The following TPST1 variants were observed in gnomAD, a reference collection of about 807,000 sequenced individuals.
The protein encoded by TPST1 is tyrosylprotein sulfotransferase 1.
A neutral mutation model predicts 34.8 loss-of-function variants in TPST1; 20 were observed. That is an observed-to-expected ratio of 0.57 (90% CI 0.40 to 0.84). TPST1 has a LOEUF of 0.84. Among genes scored for constraint, TPST1 ranks in the 40% least tolerant of loss-of-function variants. TPST1 has a pLI of 0.00. For missense variants in TPST1, 353 were observed against 455.5 expected (o/e 0.78, Z 2.05); for synonymous variants, 152 against 159.4 (o/e 0.95, Z 0.35).
intron 3 of TPST1, among the ~76,000 whole-genome samples, chr7:66,325,291 C>CT (rs1473472325): frequency 2.0e-5 from 3 of 152,152 alleles, no homozygotes; most frequent in Non-Finnish European, 4.4e-5. Context: ...TGGTCTCTCC[C>CT]TTGACACGTG....
intron 4 of TPST1, among the ~76,000 whole-genome samples, chr7:66,355,856 G>A (rs1018158460): frequency 1.4e-5 from 2 of 142,258 alleles, no homozygotes; most frequent in African/African-American, 2.6e-5. Context: ...AGTGAACCGA[G>A]ATTGCGCCAC....
At chr7:66,240,179 G>A (rs149783806) in intron 1 of TPST1, 146 bp from the exon 2 acceptor site, 18 of 451,620 alleles carry the variant, frequency 4.0e-5, no homozygotes, top group Non-Finnish European at 6.6e-5. Flanking sequence ...GAGCCACCGC[G>A]CCCGGTCTCA....
chr7:66,338,942 G>A (rs147338551), intron 3 of TPST1, among the ~76,000 whole-genome samples: 107 of 151,822 alleles, frequency 7.0e-4, no homozygotes, highest in African/African-American at 1.8e-3. Flanking sequence ...TTTTTTCTCC[G>A]TGAAAAAAGG....
chr7:66,297,897 A>G (rs1791234417), intron 3 of TPST1, among the ~76,000 whole-genome samples: 2 of 152,144 alleles, frequency 1.3e-5, no homozygotes, highest in African/African-American at 4.8e-5. Context: ...CAGTTACCCA[A>G]ATTAGGTCTC....
At chr7:66,276,660 T>C (rs1268550736) in intron 2 of TPST1, among the ~76,000 whole-genome samples, 1 of 151,962 alleles carries the variant, frequency 6.6e-6, no homozygotes, top group African/African-American at 2.4e-5. Flanking sequence ...TTCCTTCTAG[T>C]TTAGTTTATT....
intron 3 of TPST1, 37 bp downstream of exon 3, chr7:66,286,746 AT>A (rs1791044277): frequency 7.1e-7 from 1 of 1,418,170 alleles, no homozygotes; most frequent in South Asian, 1.8e-5. Context: ...AGAAAACTAG[AT>A]TTTGAATTTG....
At chr7:66,333,202 C>T (rs1792030268) in intron 3 of TPST1, among the ~76,000 whole-genome samples, 2 of 152,256 alleles carry the variant, frequency 1.3e-5, no homozygotes, top group Middle Eastern at 3.4e-3. Context: ...CCCTGATTTC[C>T]GTCTACAAAC....
intron 2 of TPST1, among the ~76,000 whole-genome samples, chr7:66,243,151 GTGTGTGTGTGTGTGTGTT>G (rs936640591): frequency 7.0e-6 from 1 of 142,692 alleles, no homozygotes; most frequent in Non-Finnish European, 1.6e-5. Context: ...CAAGGGGTGT[GTGTGTGTGTGTGTGTGTT>G]TGTGTGTGTG....
chr7:66,226,374 C>T (rs539215659), intron 1 of TPST1, among the ~76,000 whole-genome samples: 13 of 152,194 alleles, frequency 8.5e-5, no homozygotes, highest in Admixed American at 5.2e-4. Flanking sequence ...AGAGAAGTCA[C>T]GAGGAGAATG....
intron 2 of TPST1, among the ~76,000 whole-genome samples, chr7:66,280,242 C>T (rs919968465): frequency 6.6e-6 from 1 of 152,194 alleles, no homozygotes; most frequent in African/African-American, 2.4e-5. Context: ...TGGAAGCCAC[C>T]CAGCATTCTT....
intron 2 of TPST1, among the ~76,000 whole-genome samples, chr7:66,266,044 A>G (rs1386216241): frequency 2.0e-5 from 3 of 152,364 alleles, no homozygotes; most frequent in African/African-American, 7.2e-5. Flanking sequence ...TCAAATCTGC[A>G]TGAAAGAATA....
chr7:66,328,573 C>T (rs1791919187), intron 3 of TPST1, among the ~76,000 whole-genome samples: 1 of 150,796 alleles, frequency 6.6e-6, no homozygotes, highest in Admixed American at 6.6e-5. Context: ...TTGAGACAGC[C>T]TCACTCTGTC....
At chr7:66,354,304 G>A (rs972831293) in intron 4 of TPST1, among the ~76,000 whole-genome samples, 3 of 152,064 alleles carry the variant, frequency 2.0e-5, no homozygotes, top group Non-Finnish European at 4.4e-5. Context: ...CTGTCTTGAA[G>A]GAATATAAAA....
intron 3 of TPST1, among the ~76,000 whole-genome samples, chr7:66,339,522 C>T (rs1043992063): frequency 2.0e-5 from 3 of 152,066 alleles, no homozygotes; most frequent in African/African-American, 7.2e-5. Context: ...GGCAACATTA[C>T]CCTGATACCA....
At chr7:66,336,807 C>T (rs186193571) in intron 3 of TPST1, among the ~76,000 whole-genome samples, 160 of 152,240 alleles carry the variant, frequency 1.1e-3, no homozygotes, top group African/African-American at 3.5e-3. Flanking sequence ...ACATAACAAT[C>T]TGGTTAACAA....
chr7:66,308,535 G>C (rs1791467244), intron 3 of TPST1, among the ~76,000 whole-genome samples: 1 of 152,100 alleles, frequency 6.6e-6, no homozygotes, highest in Non-Finnish European at 1.5e-5. Flanking sequence ...GATCTCTACA[G>C]CTCACACCAT....
intron 1 of TPST1, among the ~76,000 whole-genome samples, chr7:66,238,837 AGTCTGGTTGCT>A (rs1439670242): frequency 6.6e-6 from 1 of 152,208 alleles, no homozygotes; most frequent in African/African-American, 2.4e-5. Context: ...GTGTACATGT[AGTCTGGTTGCT>A]GTCTGTTTCC....
chr7:66,229,969 A>G (rs1389239504), intron 1 of TPST1, among the ~76,000 whole-genome samples: 2 of 152,202 alleles, frequency 1.3e-5, no homozygotes, highest in Non-Finnish European at 2.9e-5. Flanking sequence ...CGGGCGGATC[A>G]TGAGGTCAAG....
chr7:66,300,819 G>A (rs1584220392), intron 3 of TPST1, among the ~76,000 whole-genome samples: 1 of 152,058 alleles, frequency 6.6e-6, no homozygotes, highest in Admixed American at 6.6e-5. Context: ...GGTGGCGCAT[G>A]TGTGTAATCC....
Sources: allele counts gnomAD v4.1 joint callset (sites outside exome capture counted in the v4.1 genomes callset), GRCh38; gene constraint gnomAD v4.1.1; transcripts MANE v1.5; gene names NCBI Gene and HGNC (gene_info 2026-07-23, HGNC 2026-07-21).